The following SMIM35 variants were observed in gnomAD, a reference collection of about 807,000 sequenced individuals.
SMIM35 encodes the protein small integral membrane protein 35.
intron 1 of SMIM35, among the ~76,000 whole-genome samples, chr11:118,083,216 G>A (rs1439551904): frequency 6.6e-6 from 1 of 152,226 alleles, no homozygotes; most frequent in Admixed American, 6.5e-5. Context: ...TCCTTTGCCA[G>A]GAGAAAAGAC....
At chr11:118,054,147 G>A (rs1235146582) in intron 1 of SMIM35, among the ~76,000 whole-genome samples, 1 of 141,188 alleles carries the variant, frequency 7.1e-6, no homozygotes, top group South Asian at 2.2e-4. Context: ...GGTTTTGGGG[G>A]TTTTTGGGAT....
chr11:118,020,997 C>G (rs1346682362), intron 1 of SMIM35, among the ~76,000 whole-genome samples: 1 of 150,084 alleles, frequency 6.7e-6, no homozygotes, highest in African/African-American at 2.5e-5. Context: ...CTTCTTTAAC[C>G]CTTGAGGTAT....
At chr11:118,039,296 G>A (rs1306703802) in intron 1 of SMIM35, among the ~76,000 whole-genome samples, 1 of 152,154 alleles carries the variant, frequency 6.6e-6, no homozygotes, top group Non-Finnish European at 1.5e-5. Context: ...AGCTTTGGTG[G>A]GAGACGTATA....
chr11:118,081,382 C>T (rs3825050), intron 1 of SMIM35, among the ~76,000 whole-genome samples: 48,475 of 152,070 alleles, frequency 0.32, 8,178 homozygotes, highest in South Asian at 0.55. Flanking sequence ...ACACGTCTAA[C>T]GCCACCTCCC....
intron 1 of SMIM35, among the ~76,000 whole-genome samples, chr11:118,038,355 C>T (rs1943944188): frequency 6.6e-6 from 1 of 152,130 alleles, no homozygotes; most frequent in Non-Finnish European, 1.5e-5. Flanking sequence ...AGAATAACAC[C>T]CACGTAAAGA....
intron 4 of SMIM35, among the ~76,000 whole-genome samples, chr11:118,010,724 C>A (rs1362889762): frequency 6.6e-6 from 1 of 152,164 alleles, no homozygotes; most frequent in African/African-American, 2.4e-5. Context: ...GGACAAGAGG[C>A]CACCCAGGCT....
chr11:118,015,110 C>T (rs1337678081), intron 2 of SMIM35, among the ~76,000 whole-genome samples: 1 of 152,240 alleles, frequency 6.6e-6, no homozygotes, highest in African/African-American at 2.4e-5. Context: ...TGCATTGGCA[C>T]ATAGTAGGTG....
intron 1 of SMIM35, among the ~76,000 whole-genome samples, chr11:118,019,434 AT>A (rs1284583443): frequency 3.0e-4 from 46 of 152,336 alleles, no homozygotes; most frequent in Non-Finnish European, 5.3e-4. Flanking sequence ...AGGAGTCAGA[AT>A]TTAAGTTCAG....
intron 1 of SMIM35, among the ~76,000 whole-genome samples, chr11:118,033,331 C>G (rs1313411049): frequency 6.6e-6 from 1 of 152,072 alleles, no homozygotes; most frequent in Non-Finnish European, 1.5e-5. Flanking sequence ...TTTTCTCACC[C>G]AAACCTTACC....
At chr11:118,009,743 A>T (rs1384762284) in intron 4 of SMIM35, among the ~76,000 whole-genome samples, 1 of 149,970 alleles carries the variant, frequency 6.7e-6, no homozygotes, top group Admixed American at 6.6e-5. Flanking sequence ...AAAAAAAAAA[A>T]AGTAGATGAG....
chr11:118,071,495 A>G (rs17121590), intron 1 of SMIM35, among the ~76,000 whole-genome samples: 3,095 of 152,244 alleles, frequency 0.02, 121 homozygotes, highest in African/African-American at 0.071. Context: ...TGTAAAAAAG[A>G]CACTGGGTTC....
chr11:118,007,693 C>T (rs774048566), intron 4 of SMIM35, among the ~76,000 whole-genome samples: 12 of 151,892 alleles, frequency 7.9e-5, no homozygotes, highest in Admixed American at 3.3e-4. Flanking sequence ...TGTGCCCGGC[C>T]GAAGATGTGA....
At chr11:118,022,032 C>CTTTTTTTT (rs761119844) in intron 1 of SMIM35, among the ~76,000 whole-genome samples, 1 of 120,654 alleles carries the variant, frequency 8.3e-6, no homozygotes, top group East Asian at 2.6e-4. Context: ...AACAATAAGT[C>CTTTTTTTT]TTTTTTTTTT....
intron 1 of SMIM35, among the ~76,000 whole-genome samples, chr11:118,018,121 A>G (rs1295051390): frequency 6.6e-6 from 1 of 152,182 alleles, no homozygotes; most frequent in Non-Finnish European, 1.5e-5. Flanking sequence ...AGGCAGGAGC[A>G]TGCCTAGCAG....
intron 1 of SMIM35, among the ~76,000 whole-genome samples, chr11:118,068,166 C>A (rs1359382766): frequency 6.6e-6 from 1 of 151,950 alleles, no homozygotes; most frequent in Non-Finnish European, 1.5e-5. Context: ...ACCAAGCTGC[C>A]ACAGAAAGGA....
At chr11:118,062,610 C>A (rs1421460410) in intron 1 of SMIM35, among the ~76,000 whole-genome samples, 1 of 152,126 alleles carries the variant, frequency 6.6e-6, no homozygotes, top group Non-Finnish European at 1.5e-5. Flanking sequence ...AAGAAGGAAC[C>A]CAGGACAAGG....
At chr11:118,007,828 C>T (rs1462452206) in intron 4 of SMIM35, among the ~76,000 whole-genome samples, 1 of 152,082 alleles carries the variant, frequency 6.6e-6, no homozygotes. Flanking sequence ...ACTTCCAGCA[C>T]TGCCCAACCT....
chr11:118,018,174 C>T (rs2058199394), intron 1 of SMIM35, among the ~76,000 whole-genome samples: 2 of 152,122 alleles, frequency 1.3e-5, no homozygotes, highest in African/African-American at 4.8e-5. Context: ...AGCAGGAAGG[C>T]AGCAGGAGAG....
At chr11:118,082,242 T>C (rs556837357) in intron 1 of SMIM35, among the ~76,000 whole-genome samples, 190 of 152,296 alleles carry the variant, frequency 1.2e-3, no homozygotes, top group African/African-American at 3.6e-3. Context: ...TCTGAGACAT[T>C]GTAATCCTCA....
Sources: allele counts gnomAD v4.1 joint callset (sites outside exome capture counted in the v4.1 genomes callset), GRCh38; gene constraint gnomAD v4.1.1; transcripts MANE v1.5; gene names NCBI Gene and HGNC (gene_info 2026-07-23, HGNC 2026-07-21).